PTDSS1: variants seen among roughly 807,000 people sequenced by gnomAD.
The protein encoded by PTDSS1 is phosphatidylserine synthase 1.
PTDSS1 carries 45 observed loss-of-function variants against 70.5 expected under a neutral mutation model. That is an observed-to-expected ratio of 0.64 (90% CI 0.50 to 0.82). PTDSS1 has a LOEUF of 0.82. Ranked by LOEUF, PTDSS1 falls within the 40% of genes least tolerant of loss-of-function variation. The probability of loss-of-function intolerance (pLI) is 0.00; values close to 1 mark genes in which losing one functional copy is unlikely to be tolerated. For synonymous variants in PTDSS1, 188 were observed against 203.8 expected (o/e 0.92, Z 0.66); for missense variants, 417 against 586.1 (o/e 0.71, Z 2.98).
intron 2 of PTDSS1, among the ~76,000 whole-genome samples, chr8:96,280,968 A>G (rs901657002): frequency 6.6e-6 from 1 of 152,126 alleles, no homozygotes; most frequent in Non-Finnish European, 1.5e-5. Flanking sequence ...CATTGAGATG[A>G]CATGAATGTT....
At chr8:96,305,778 T>C (rs1811113723) in intron 7 of PTDSS1, among the ~76,000 whole-genome samples, 1 of 152,118 alleles carries the variant, frequency 6.6e-6, no homozygotes, top group Non-Finnish European at 1.5e-5. Context: ...ACCTCTGCCT[T>C]CCAGGTTCAA....
At chr8:96,327,909 C>T (rs1811460728) in intron 10 of PTDSS1, among the ~76,000 whole-genome samples, 1 of 152,122 alleles carries the variant, frequency 6.6e-6, no homozygotes, top group African/African-American at 2.4e-5. Flanking sequence ...TCAGTGGGTA[C>T]GTGCCTAGAT....
chr8:96,267,758 T>C (rs1429047924), intron 1 of PTDSS1, among the ~76,000 whole-genome samples: 3 of 152,086 alleles, frequency 2.0e-5, no homozygotes, highest in African/African-American at 7.2e-5. Context: ...AAGTCTACTT[T>C]CCCACCTCTA....
intron 9 of PTDSS1, among the ~76,000 whole-genome samples, chr8:96,313,109 T>G (rs1393586885): frequency 6.6e-6 from 1 of 152,228 alleles, no homozygotes; most frequent in African/African-American, 2.4e-5. Flanking sequence ...TGGGGTTCTT[T>G]CCCAGCACTC....
At chr8:96,315,322 G>A (rs1811272279) in intron 9 of PTDSS1, among the ~76,000 whole-genome samples, 1 of 152,234 alleles carries the variant, frequency 6.6e-6, no homozygotes, top group Non-Finnish European at 1.5e-5. Context: ...TGCTTGTGCA[G>A]CCATGGAGCA....
Position 96,334,002 on chromosome 8 carries a change from TG to T in PTDSS1, c.*437del. ...TTTATGAATCTACCTTTCCATTGATTGATTTAAGTTCAGGCCACTTTTCTGT... is the reference window on the plus strand; with the variant it reads ...TTTATGAATCTACCTTTCCATTGATTATTTAAGTTCAGGCCACTTTTCTGT... On this transcript the variant is annotated 3_prime_UTR_variant, in exon 13 of 13. Coordinates refer to ENST00000517309, the MANE Select transcript of PTDSS1 (RefSeq NM_014754.3). 4.5e-6 allele frequency: 2 copies of T among 445,994 alleles called. No individual in the cohort carries two copies. The highest frequency in any genetic ancestry group is 4.0e-6 in the Non-Finnish European group (1 of 252,414). 27.6% of individuals were successfully genotyped at this position (445,994 alleles called of 1,614,324 possible). A position where few individuals can be genotyped will look rare whatever the true frequency, so the allele number is the denominator to read the frequency against.
intron 2 of PTDSS1, among the ~76,000 whole-genome samples, chr8:96,275,825 C>T (rs1810632894): frequency 6.6e-6 from 1 of 152,158 alleles, no homozygotes; most frequent in South Asian, 2.1e-4. Context: ...CTTCTGTATC[C>T]CGTGATCTGC....
chr8:96,331,142 A>T, intron 12 of PTDSS1, 47 bp downstream of exon 12: 1 of 1,508,312 alleles, frequency 6.6e-7, no homozygotes, highest in Non-Finnish European at 9.2e-7. Flanking sequence ...GGTCCTTGAG[A>T]TGTGGAATTA....
chr8:96,333,088 G>A (rs902767393), intron 12 of PTDSS1, among the ~76,000 whole-genome samples: 1 of 152,232 alleles, frequency 6.6e-6, no homozygotes, highest in Admixed American at 6.5e-5. Context: ...CTTGGTTGCA[G>A]GGCAGGATGG....
chr8:96,331,423 G>A (rs1811514680), intron 12 of PTDSS1, among the ~76,000 whole-genome samples: 2 of 152,114 alleles, frequency 1.3e-5, no homozygotes, highest in Middle Eastern at 3.4e-3. Context: ...CAGCTACTCA[G>A]GACGCTGAGC....
At chr8:96,268,168 A>T (rs2129990818) in intron 1 of PTDSS1, among the ~76,000 whole-genome samples, 1 of 152,324 alleles carries the variant, frequency 6.6e-6, no homozygotes, top group Non-Finnish European at 1.5e-5. Context: ...ATTTATCACC[A>T]TTCTTTTCCT....
intron 5 of PTDSS1, among the ~76,000 whole-genome samples, chr8:96,298,254 A>T (rs1811003347): frequency 6.6e-6 from 1 of 152,228 alleles, no homozygotes; most frequent in Non-Finnish European, 1.5e-5. Flanking sequence ...AGGTTCATTA[A>T]GAACAAAAAA....
At chr8:96,290,679 C>T (rs1376063236) in intron 4 of PTDSS1, among the ~76,000 whole-genome samples, 1 of 151,934 alleles carries the variant, frequency 6.6e-6, no homozygotes, top group Non-Finnish European at 1.5e-5. Flanking sequence ...ATTAGTGGTT[C>T]CTTTATGCAA....
intron 12 of PTDSS1, among the ~76,000 whole-genome samples, chr8:96,332,645 A>T (rs1290971632): frequency 6.6e-6 from 1 of 152,270 alleles, no homozygotes; most frequent in Non-Finnish European, 1.5e-5. Flanking sequence ...ACTGAAGAGA[A>T]TTAAGCAGTA....
At chr8:96,287,408 G>T (rs1221557825) in intron 4 of PTDSS1, 2 of 422,608 alleles carry the variant, frequency 4.7e-6, no homozygotes, top group Non-Finnish European at 4.2e-6. Context: ...TGTGAATTCT[G>T]CCTCTGTTAC....
At chr8:96,270,380 T>C (rs1810548034) in intron 1 of PTDSS1, among the ~76,000 whole-genome samples, 1 of 152,160 alleles carries the variant, frequency 6.6e-6, no homozygotes, top group Non-Finnish European at 1.5e-5. Context: ...AATCTCTGGA[T>C]TATTCGGGGT....
At chr8:96,330,132 C>G in intron 10 of PTDSS1, 81 bp from the exon 11 acceptor site, 2 of 1,317,232 alleles carry the variant, frequency 1.5e-6, no homozygotes, top group Middle Eastern at 3.6e-4. Flanking sequence ...ATTGAACGGT[C>G]CTGCATTGAT....
intron 2 of PTDSS1, among the ~76,000 whole-genome samples, chr8:96,276,243 T>C (rs1470088407): frequency 6.6e-6 from 1 of 152,218 alleles, no homozygotes; most frequent in Non-Finnish European, 1.5e-5. Context: ...GTATTGGGGC[T>C]TCATTAGCTG....
At position 96,336,553 on chromosome 8, in the gene PTDSS1, T is replaced by C. The variant is rs927130653; in HGVS notation, c.*2987T>C. The C allele has an allele frequency of 6.6e-6, 1 of 152,044 alleles. No homozygotes were observed. The highest frequency in any genetic ancestry group is 1.5e-5 in the Non-Finnish European group (1 of 68,068). The allele number at this position is 152,044 out of a possible 1,614,324, so 9.4% of individuals were successfully genotyped here. A position where few individuals can be genotyped will look rare whatever the true frequency, so the allele number is the denominator to read the frequency against. On this transcript the variant is annotated 3_prime_UTR_variant, in exon 13 of 13. Coordinates refer to ENST00000517309, the MANE Select transcript of PTDSS1 (RefSeq NM_014754.3). ...TTAACATCCGCTCTTTGGAATGTGCTCAGTGACTGCTGCAGAGTTCCTGGG... is the reference window on the plus strand; with the variant it reads ...TTAACATCCGCTCTTTGGAATGTGCCCAGTGACTGCTGCAGAGTTCCTGGG...
Sources: allele counts gnomAD v4.1 joint callset (sites outside exome capture counted in the v4.1 genomes callset), GRCh38; gene constraint gnomAD v4.1.1; transcripts MANE v1.5; gene names NCBI Gene and HGNC (gene_info 2026-07-23, HGNC 2026-07-21).